ZFAT: variants seen among roughly 807,000 people sequenced by gnomAD.
The protein encoded by ZFAT is zinc finger protein ZFAT.
Under a neutral mutation model 117.7 loss-of-function variants are expected in ZFAT, and 64 were observed. The ratio of observed to expected loss-of-function variants is 0.54; its 90% CI spans 0.44 to 0.67. ZFAT has a LOEUF of 0.67. Ranked by LOEUF, ZFAT falls within the 30% of genes least tolerant of loss-of-function variation. The pLI is 0.00. For missense variants in ZFAT, 1,433 were observed against 1,584.5 expected (o/e 0.90, Z 1.62); for synonymous variants, 679 against 615.0 (o/e 1.10, Z -1.54).
chr8:134,543,733 A>T (rs924185938), intron 11 of ZFAT, among the ~76,000 whole-genome samples: 9 of 152,194 alleles, frequency 5.9e-5, no homozygotes, highest in African/African-American at 2.2e-4. Flanking sequence ...ACTGACTGTG[A>T]AAGTCAGCAA....
At chr8:134,787,136 T>C in the ZFAT span, among the ~76,000 whole-genome samples, 1 of 152,170 alleles carries the variant, frequency 6.6e-6, no homozygotes, top group African/African-American at 2.4e-5. Flanking sequence ...CATGAGCCAC[T>C]GTGTCTGGCT....
intron 2 of ZFAT, among the ~76,000 whole-genome samples, chr8:134,648,955 C>T (rs1027314163): frequency 6.6e-6 from 1 of 151,940 alleles, no homozygotes; most frequent in Admixed American, 6.6e-5. Context: ...CCAAAAGTTA[C>T]AAGGGTGATG....
At chr8:134,701,062 A>G (rs1422433474) in intron 1 of ZFAT, among the ~76,000 whole-genome samples, 10 of 152,198 alleles carry the variant, frequency 6.6e-5, no homozygotes, top group Non-Finnish European at 1.5e-4. Context: ...GTAGGTATAC[A>G]GTTCAGTGGC....
At chr8:134,783,150 T>C in the ZFAT span, among the ~76,000 whole-genome samples, 1 of 152,186 alleles carries the variant, frequency 6.6e-6, no homozygotes, top group South Asian at 2.1e-4. Flanking sequence ...AAGTTTGAGA[T>C]TTCATCCATT....
upstream of ZFAT, among the ~76,000 whole-genome samples, chr8:134,715,954 C>T (rs533854373): frequency 6.6e-6 from 1 of 152,034 alleles, no homozygotes; most frequent in Admixed American, 6.6e-5. Context: ...AGGATACATA[C>T]AGGCGACCTC....
At chr8:134,812,105 C>T in the ZFAT span, among the ~76,000 whole-genome samples, 1 of 152,092 alleles carries the variant, frequency 6.6e-6, no homozygotes. Flanking sequence ...GATCGCACCA[C>T]TGCACTGCAG....
intron 5 of ZFAT, among the ~76,000 whole-genome samples, chr8:134,606,016 A>G (rs1225373059): frequency 6.6e-6 from 1 of 152,244 alleles, no homozygotes; most frequent in East Asian, 1.9e-4. Context: ...TGAGGACAAG[A>G]CATTTGAGCA....
At chr8:134,497,432 G>C (rs1818544273) in intron 15 of ZFAT, among the ~76,000 whole-genome samples, 2 of 151,308 alleles carry the variant, frequency 1.3e-5, no homozygotes, top group African/African-American at 4.9e-5. Context: ...TGATTTGGTA[G>C]GGTTGGGGTG....
chr8:134,523,573 C>CA (rs1157108541), intron 12 of ZFAT, among the ~76,000 whole-genome samples: 1 of 152,232 alleles, frequency 6.6e-6, no homozygotes, highest in East Asian at 1.9e-4. Context: ...TTCGAAAACA[C>CA]AGACTAGATC....
rs377017283 is a variant in ZFAT at position 134,478,449 on chromosome 8, C to A, written c.*33G>T. Reference sequence around the variant, plus strand: ...CTGGGTGCCTGCAGAGCCTGGCAGCCCCGCCCTGTGGCCATCCGATGCCAC... The same window carrying A: ...CTGGGTGCCTGCAGAGCCTGGCAGCACCGCCCTGTGGCCATCCGATGCCAC... On this transcript the variant is annotated 3_prime_UTR_variant, in exon 16 of 16. Coordinates refer to ENST00000377838, the MANE Select transcript of ZFAT (RefSeq NM_020863.4). The surrounding 1 kb of genome is among the most constrained non-coding windows in gnomAD (Gnocchi z 5.2). The A allele has an allele frequency of 6.5e-7, 1 of 1,543,140 alleles. No individual in the cohort carries two copies. Among genetic ancestry groups the A allele is most frequent in the Non-Finnish European group, 8.8e-7 (1 of 1,141,744 alleles).
intron 1 of ZFAT, among the ~76,000 whole-genome samples, chr8:134,659,072 C>T (rs889695387): frequency 1.3e-5 from 2 of 152,258 alleles, no homozygotes; most frequent in African/African-American, 2.4e-5. Context: ...AGGCTCAACG[C>T]TGCCTGGAAG....
the ZFAT span, among the ~76,000 whole-genome samples, chr8:134,742,397 C>T: frequency 6.6e-6 from 1 of 152,176 alleles, no homozygotes; most frequent in African/African-American, 2.4e-5. Context: ...CAGGTGCCAT[C>T]ATGAAGCCCT....
intron 11 of ZFAT, among the ~76,000 whole-genome samples, chr8:134,534,944 G>GGCTTCT (rs1209127065): frequency 2.0e-5 from 3 of 152,132 alleles, no homozygotes; most frequent in Admixed American, 6.5e-5. Context: ...CTCTTTCTCA[G>GGCTTCT]GCTTCTGCCA....
chr8:134,758,758 G>A, the ZFAT span, among the ~76,000 whole-genome samples: 13 of 152,198 alleles, frequency 8.5e-5, no homozygotes, highest in Non-Finnish European at 1.8e-4. Context: ...TTGTTGCATG[G>A]GAGTGCTGGG....
intron 2 of ZFAT, among the ~76,000 whole-genome samples, chr8:134,644,421 C>T (rs182697962): frequency 3.4e-4 from 51 of 151,976 alleles, no homozygotes; most frequent in East Asian, 3.1e-3. Flanking sequence ...TGAATGCATG[C>T]GTGTGCACAC....
intron 13 of ZFAT, among the ~76,000 whole-genome samples, chr8:134,514,749 G>A (rs566056370): frequency 2.6e-5 from 4 of 152,226 alleles, no homozygotes; most frequent in East Asian, 1.9e-4. Context: ...GCAGAGAGAC[G>A]GGTCTAATAA....
At chr8:134,515,997 T>G in intron 13 of ZFAT, among the ~76,000 whole-genome samples, 1 of 152,246 alleles carries the variant, frequency 6.6e-6, no homozygotes. Context: ...ATTACCTCAC[T>G]TTTTAGGTTT....
At chr8:134,779,193 A>G in the ZFAT span, among the ~76,000 whole-genome samples, 5 of 152,170 alleles carry the variant, frequency 3.3e-5, no homozygotes, top group Non-Finnish European at 5.9e-5. Flanking sequence ...TTTTTTCCTC[A>G]TTCCCCGCAG....
Position 134,608,881 on chromosome 8 carries a change from T to C in ZFAT, c.635-2A>G. 6.3e-7 allele frequency: 1 copy of C among 1,599,176 alleles called. No individual in the cohort carries two copies. Among genetic ancestry groups the C allele is most frequent in the African/African-American group, 1.4e-5 (1 of 73,932 alleles). On this transcript the variant is annotated splice_acceptor_variant, in intron 4 of 15. Coordinates refer to ENST00000377838, the MANE Select transcript of ZFAT (RefSeq NM_020863.4). LOFTEE classifies it high-confidence loss of function. Reference sequence around the variant, plus strand: ...CCACTGGCACAATCTTGGTAGCACCTGAGATTGATGCAAAAGGCATTGCTT... The same window carrying C: ...CCACTGGCACAATCTTGGTAGCACCCGAGATTGATGCAAAAGGCATTGCTT...
Sources: allele counts gnomAD v4.1 joint callset (sites outside exome capture counted in the v4.1 genomes callset), GRCh38; gene constraint gnomAD v4.1.1; non-coding constraint Gnocchi (gnomAD v3.1); transcripts MANE v1.5; gene names NCBI Gene and HGNC (gene_info 2026-07-23, HGNC 2026-07-21).